The following JAK2 variants were observed in gnomAD, a reference collection of about 807,000 sequenced individuals.
JAK2 encodes Janus kinase 2.
Under a neutral mutation model 139.3 loss-of-function variants are expected in JAK2, and 86 were observed. That is an observed-to-expected ratio of 0.62 (90% CI 0.52 to 0.74). JAK2 has a LOEUF of 0.74. JAK2 is among the 30% of genes least tolerant of loss of function. The pLI is 0.00. For missense variants in JAK2, 1,421 were observed against 1,360.3 expected (o/e 1.04, Z -0.70); for synonymous variants, 490 against 437.7 (o/e 1.12, Z -1.49).
At chr9:5,097,431 G>A (rs763129054) in intron 22 of JAK2, 5 of 152,134 alleles carry the variant, frequency 3.3e-5, no homozygotes, top group South Asian at 2.1e-4. Context: ...ATGTCGTGAC[G>A]TATTACTCTG....
At chr9:5,047,055 G>C (rs1335683487) in intron 5 of JAK2, among the ~76,000 whole-genome samples, 2 of 151,938 alleles carry the variant, frequency 1.3e-5, no homozygotes, top group Non-Finnish European at 2.9e-5. Flanking sequence ...GCATGGCAAG[G>C]TAATTCCACC....
chr9:5,037,503 T>C (rs1338447588), intron 4 of JAK2, among the ~76,000 whole-genome samples: 1 of 152,192 alleles, frequency 6.6e-6, no homozygotes, highest in Non-Finnish European at 1.5e-5. Context: ...GTGGCACATA[T>C]ACACCATGGA....
At chr9:5,076,321 A>T (rs1819304082) in intron 14 of JAK2, among the ~76,000 whole-genome samples, 1 of 152,130 alleles carries the variant, frequency 6.6e-6, no homozygotes, top group African/African-American at 2.4e-5. Flanking sequence ...CTACAGAGAA[A>T]TCTTTCATGA....
At chr9:5,022,632 G>A (rs1325995632) in intron 3 of JAK2, among the ~76,000 whole-genome samples, 1 of 152,152 alleles carries the variant, frequency 6.6e-6, no homozygotes, top group Non-Finnish European at 1.5e-5. Flanking sequence ...GTTAGCTTCT[G>A]AAGACCTCTG....
rs775568041 is a variant in JAK2, at chr9:5,126,378, G to C, written c.3223G>C (p.Val1075Leu). ...CAATGACAAACAAGGACAGATGATC[G>C]TGTTCCATTTGATAGAACTTTTGAA... ...IGNDKQGQMI[V>L]FHLIELLKNN... Residue 1075 changes from valine to leucine, a missense_variant, in exon 24 of 25, where the codon GTG becomes CTG. By Grantham distance (32) the Val-to-Leu change is conservative (BLOSUM62 1). Coordinates refer to ENST00000381652, the MANE Select transcript of JAK2 (RefSeq NM_004972.4). 4.3e-6 allele frequency: 7 copies of C among 1,610,960 alleles called. No individual in the cohort carries two copies. The South Asian group carries it at 6.6e-5, about 15-fold the overall frequency.
chr9:5,118,559 CCCCT>C (rs1823378533), intron 22 of JAK2, among the ~76,000 whole-genome samples: 1 of 152,134 alleles, frequency 6.6e-6, no homozygotes, highest in Non-Finnish European at 1.5e-5. Flanking sequence ...AACAATCCCT[CCCCT>C]CCAATTGGTT....
chr9:5,027,773 A>G (rs1378429534), intron 3 of JAK2, among the ~76,000 whole-genome samples: 3 of 152,230 alleles, frequency 2.0e-5, no homozygotes, highest in African/African-American at 7.2e-5. Context: ...TTCCATCTCA[A>G]GAAACCACTT....
chr9:5,001,518 G>C (rs1820926956), intron 2 of JAK2, among the ~76,000 whole-genome samples: 1 of 152,012 alleles, frequency 6.6e-6, no homozygotes, highest in Admixed American at 6.5e-5. Context: ...AAAGCAACCA[G>C]TATGACTGGA....
At chr9:5,022,846 A>C (rs1489483952) in intron 3 of JAK2, among the ~76,000 whole-genome samples, 2 of 152,236 alleles carry the variant, frequency 1.3e-5, no homozygotes, top group Non-Finnish European at 2.9e-5. Flanking sequence ...TTTTAATAGA[A>C]AGACTAGTTG....
chr9:5,009,512 A>G (rs1334938003), intron 2 of JAK2, among the ~76,000 whole-genome samples: 2 of 151,998 alleles, frequency 1.3e-5, no homozygotes, highest in Non-Finnish European at 2.9e-5. Flanking sequence ...TATGTTTTCA[A>G]AATATTCTTA....
chr9:5,046,553 G>A (rs1487943104), intron 5 of JAK2, among the ~76,000 whole-genome samples: 1 of 152,080 alleles, frequency 6.6e-6, no homozygotes, highest in Non-Finnish European at 1.5e-5. Flanking sequence ...TAGGCATTGG[G>A]TCCATTTTGA....
At chr9:5,038,386 A>G (rs1047670408) in intron 4 of JAK2, among the ~76,000 whole-genome samples, 2 of 152,194 alleles carry the variant, frequency 1.3e-5, no homozygotes, top group Non-Finnish European at 2.9e-5. Context: ...TTCACAAAAA[A>G]TAGAAAAGGA....
At position 5,089,826 on chromosome 9, in the gene JAK2, C is replaced by T; in HGVS notation, c.2724C>T (p.Asp908=). The change falls in exon 20 of 25, where the codon GAC becomes GAT. Residue 908 remains aspartate (D), a synonymous_variant. Transcript: ENST00000381652. ...EIEILKSLQH[D]NIVKYKGVCY... ...AAATCCTGAAATCCCTACAGCATGACAACATTGTAAAGTACAAGGGAGTGT... is the reference window on the plus strand; with the variant it reads ...AAATCCTGAAATCCCTACAGCATGATAACATTGTAAAGTACAAGGGAGTGT... The T allele has an allele frequency of 2.5e-6, 4 of 1,588,562 alleles. No homozygotes were observed. Among genetic ancestry groups the T allele is most frequent in the Non-Finnish European group, 3.4e-6 (4 of 1,168,198 alleles).
At chr9:5,118,133 C>G (rs1207332259) in intron 22 of JAK2, among the ~76,000 whole-genome samples, 1 of 152,166 alleles carries the variant, frequency 6.6e-6, no homozygotes, top group Non-Finnish European at 1.5e-5. Flanking sequence ...TGCACTCCAG[C>G]CTGGGCGACA....
In JAK2 at chr9:5,066,679, A is replaced by G; in HGVS notation, c.1216A>G (p.Met406Val). The change falls in exon 10 of 25, where the codon ATG becomes GTG. Residue 406 changes from methionine (M) to valine (V), a missense_variant and splice_region_variant. Physicochemically the swap from Met to Val is conservative, Grantham distance 21 (BLOSUM62 1). Coordinates refer to ENST00000381652, the MANE Select transcript of JAK2 (RefSeq NM_004972.4). Reference protein sequence around the residue: ...IQSNCHGPISMDFAISKLKKA... With the variant: ...IQSNCHGPISVDFAISKLKKA... ...AAATTGCTTCTTCTTTACCTTTAGG[A>G]TGGATTTTGCCATTAGTAAACTGAA... The G allele has an allele frequency of 6.4e-7, 1 of 1,562,748 alleles. No individual in the cohort carries two copies. Among genetic ancestry groups the G allele is most frequent in the Non-Finnish European group, 8.8e-7 (1 of 1,133,954 alleles).
chr9:5,085,668 G>C, intron 19 of JAK2: 1 of 728,484 alleles, frequency 1.4e-6, no homozygotes, highest in Non-Finnish European at 2.6e-6. Flanking sequence ...TCCTTTTCGA[G>C]AACGTGCATT....
chr9:5,112,707 G>T (rs575070953), intron 22 of JAK2: 2 of 858,448 alleles, frequency 2.3e-6, no homozygotes, highest in South Asian at 3.1e-5. Flanking sequence ...CAGCAAGTGC[G>T]AGAGCGGAAC....
chr9:5,073,193 T>C (rs1819087409), intron 13 of JAK2, among the ~76,000 whole-genome samples: 1 of 152,258 alleles, frequency 6.6e-6, no homozygotes, highest in Non-Finnish European at 1.5e-5. Flanking sequence ...ACAGTATTGG[T>C]GATTGTGATT....
chr9:5,110,864 G>A (rs749665554), intron 22 of JAK2: 5 of 495,264 alleles, frequency 1.0e-5, no homozygotes, highest in Admixed American at 2.4e-5. Flanking sequence ...TCATGCCGCC[G>A]CGCCCAGCAG....
Sources: allele counts gnomAD v4.1 joint callset (sites outside exome capture counted in the v4.1 genomes callset), GRCh38; gene constraint gnomAD v4.1.1; transcripts MANE v1.5; gene names NCBI Gene and HGNC (gene_info 2026-07-23, HGNC 2026-07-21).